DRC8: variants seen among roughly 807,000 people sequenced by gnomAD.
The protein encoded by DRC8 is dynein regulatory complex protein 8.
At chr1:244,984,480 T>C in the DRC8 span, among the ~76,000 whole-genome samples, 2 of 152,182 alleles carry the variant, frequency 1.3e-5, no homozygotes, top group African/African-American at 2.4e-5. Context: ...GAGTAGCACA[T>C]TGATGGCACC....
the DRC8 span, among the ~76,000 whole-genome samples, chr1:245,102,105 A>G: frequency 4.6e-5 from 7 of 152,226 alleles, no homozygotes; most frequent in Non-Finnish European, 1.0e-4. Context: ...ACAATAGTGC[A>G]CAGACACACA....
chr1:245,060,101 C>T, the DRC8 span, among the ~76,000 whole-genome samples: 1 of 152,170 alleles, frequency 6.6e-6, no homozygotes, highest in Non-Finnish European at 1.5e-5. Context: ...AATTGCTTAT[C>T]TAGGCACAAA....
chr1:244,970,763 C>G, the DRC8 span: 1 of 414,656 alleles, frequency 2.4e-6, no homozygotes, highest in Non-Finnish European at 4.2e-6. Context: ...CCCTCTTCCC[C>G]TCCTCCCGCC....
At chr1:244,994,788 A>G in the DRC8 span, among the ~76,000 whole-genome samples, 2 of 152,284 alleles carry the variant, frequency 1.3e-5, no homozygotes, top group African/African-American at 2.4e-5. Flanking sequence ...CTCACCCTCA[A>G]ACTTTCTAGA....
At chr1:245,110,920 G>C in the DRC8 span, among the ~76,000 whole-genome samples, 1 of 152,142 alleles carries the variant, frequency 6.6e-6, no homozygotes, top group African/African-American at 2.4e-5. Context: ...ACTATAAAAT[G>C]GGAGGAAAGA....
the DRC8 span, among the ~76,000 whole-genome samples, chr1:245,008,359 G>A: frequency 6.6e-6 from 1 of 152,090 alleles, no homozygotes; most frequent in Admixed American, 6.5e-5. Flanking sequence ...ATAAAACAGA[G>A]CATTAGGAAA....
the DRC8 span, among the ~76,000 whole-genome samples, chr1:245,014,795 T>C: frequency 6.6e-6 from 1 of 152,180 alleles, no homozygotes; most frequent in Non-Finnish European, 1.5e-5. Flanking sequence ...TGGTTTCTTT[T>C]TTTCTCTACG....
the DRC8 span, among the ~76,000 whole-genome samples, chr1:245,014,631 C>T: frequency 6.8e-6 from 1 of 147,058 alleles, no homozygotes. Context: ...ACTGTAAGTA[C>T]TAACAGGTGG....
chr1:245,102,288 C>T, the DRC8 span, among the ~76,000 whole-genome samples: 2 of 152,192 alleles, frequency 1.3e-5, no homozygotes, highest in African/African-American at 4.8e-5. Context: ...ACGATGTGTA[C>T]AGAACCTCTG....
chr1:245,028,805 CT>C, the DRC8 span, among the ~76,000 whole-genome samples: 1 of 152,226 alleles, frequency 6.6e-6, no homozygotes, highest in South Asian at 2.1e-4. Context: ...CCAGTTCCCT[CT>C]AAAATATTGG....
the DRC8 span, among the ~76,000 whole-genome samples, chr1:245,036,624 G>A: frequency 6.6e-6 from 1 of 152,176 alleles, no homozygotes; most frequent in Non-Finnish European, 1.5e-5. Context: ...TAAATGAAAC[G>A]TGATGTATTT....
At chr1:245,072,665 C>T in the DRC8 span, among the ~76,000 whole-genome samples, 14 of 152,302 alleles carry the variant, frequency 9.2e-5, no homozygotes, top group Admixed American at 5.9e-4. Flanking sequence ...TATTTGTCCC[C>T]GCCCAAATCT....
chr1:245,120,196 A>G, the DRC8 span, among the ~76,000 whole-genome samples: 1,894 of 152,298 alleles, frequency 0.012, 46 homozygotes, highest in African/African-American at 0.043. Flanking sequence ...TCCCAAAACC[A>G]CTCGGATCCC....
chr1:245,060,458 A>T, the DRC8 span, among the ~76,000 whole-genome samples: 40 of 152,250 alleles, frequency 2.6e-4, no homozygotes, highest in Non-Finnish European at 4.0e-4. Context: ...AATTTTTTGA[A>T]GCATTTGGAA....
At chr1:244,981,417 A>C in the DRC8 span, among the ~76,000 whole-genome samples, 3 of 152,196 alleles carry the variant, frequency 2.0e-5, no homozygotes, top group Non-Finnish European at 4.4e-5. Context: ...CCAATGGTTA[A>C]CATTTATAGA....
At chr1:244,994,427 T>G in the DRC8 span, among the ~76,000 whole-genome samples, 2 of 152,140 alleles carry the variant, frequency 1.3e-5, no homozygotes, top group South Asian at 4.1e-4. Context: ...GACATTAAAC[T>G]TCTTTTTTTA....
the DRC8 span, among the ~76,000 whole-genome samples, chr1:245,018,620 C>T: frequency 6.6e-6 from 1 of 152,114 alleles, no homozygotes; most frequent in Non-Finnish European, 1.5e-5. Flanking sequence ...AGTGCCTTGA[C>T]CTCAGACCTC....
chr1:245,036,640 A>G, the DRC8 span, among the ~76,000 whole-genome samples: 13 of 152,374 alleles, frequency 8.5e-5, no homozygotes, highest in Admixed American at 7.2e-4. Context: ...TATTTATAAA[A>G]TAGAATATTG....
At chr1:245,069,026 A>G in the DRC8 span, among the ~76,000 whole-genome samples, 1 of 152,222 alleles carries the variant, frequency 6.6e-6, no homozygotes. Flanking sequence ...GCTTTAAGAA[A>G]GAAATCCTGT....
Sources: gnomAD v4.1 joint callset for allele counts (sites outside exome capture counted in the v4.1 genomes callset) on GRCh38, gnomAD v4.1.1 for gene constraint, MANE v1.5 for transcripts, NCBI Gene and HGNC (gene_info 2026-07-23, HGNC 2026-07-21) for gene names.